ARID5B: variants seen among roughly 807,000 people sequenced by gnomAD.
ARID5B encodes the protein AT-rich interactive domain-containing protein 5B.
Under a neutral mutation model 97.2 loss-of-function variants are expected in ARID5B, and 13 were observed. The ratio of observed to expected loss-of-function variants is 0.13; its 90% CI spans 0.09 to 0.21. ARID5B has a LOEUF of 0.21. Ranked by LOEUF, ARID5B falls within the 10% of genes least tolerant of loss-of-function variation. The pLI is 1.00. For missense variants in ARID5B, 1,210 were observed against 1,465.3 expected, an observed-to-expected ratio of 0.83 and a Z score of 2.84; for synonymous variants, 556 against 570.3, an observed-to-expected ratio of 0.97 and a Z score of 0.36.
At chr10:61,921,844 CTATT>C (rs1353173897) in intron 2 of ARID5B, among the ~76,000 whole-genome samples, 3 of 151,854 alleles carry the variant, frequency 2.0e-5, no homozygotes, top group African/African-American at 7.3e-5. Context: ...AGTTGTTTAT[CTATT>C]TATTTATTTT....
chr10:61,935,864 T>G (rs1484865842), intron 2 of ARID5B, among the ~76,000 whole-genome samples: 1 of 152,238 alleles, frequency 6.6e-6, no homozygotes, highest in Non-Finnish European at 1.5e-5. Context: ...TGTAAATCTC[T>G]TTACTGTCTA....
At chr10:62,080,881 G>A (rs1840203973) in intron 8 of ARID5B, among the ~76,000 whole-genome samples, 1 of 151,932 alleles carries the variant, frequency 6.6e-6, no homozygotes, top group Admixed American at 6.6e-5. Context: ...GGAGTGCAGT[G>A]GCATGATCTC....
At chr10:61,937,689 T>C (rs1844329316) in intron 2 of ARID5B, among the ~76,000 whole-genome samples, 1 of 152,234 alleles carries the variant, frequency 6.6e-6, no homozygotes, top group South Asian at 2.1e-4. Flanking sequence ...AATCATGAGA[T>C]GAGCTTATTG....
chr10:61,906,078 G>C (rs1379429902), intron 2 of ARID5B, among the ~76,000 whole-genome samples: 2 of 152,202 alleles, frequency 1.3e-5, no homozygotes, highest in Non-Finnish European at 2.9e-5. Flanking sequence ...TGGGAACAAA[G>C]TAGGGATGAC....
At position 61,957,022 on chromosome 10, in the gene ARID5B, C is replaced by G. The variant is rs984520291; in HGVS notation, c.502+16614C>G. 1.2e-4 allele frequency among the ~76,000 whole-genome samples: 18 copies of G among 152,264 alleles called. 1 individual carries two copies. The highest frequency in any genetic ancestry group is 4.1e-4 in the African/African-American group (17 of 41,550). ...CCAGGCTCAAGTGATCCTCCCACCT[C>G]AGCCTTTTAAATTGTTTTTCTGAAA... On this transcript the variant is annotated intron_variant, in intron 3 of 9. Coordinates refer to ENST00000279873, the MANE Select transcript of ARID5B (RefSeq NM_032199.3).
chr10:62,057,374 T>C (rs1839870651), intron 6 of ARID5B, 56 bp downstream of exon 6: 1 of 1,520,642 alleles, frequency 6.6e-7, no homozygotes, highest in Non-Finnish European at 9.0e-7. Context: ...TTCTTTGAAT[T>C]GGAAAAAATA....
At chr10:62,041,339 C>T (rs149233395) in intron 4 of ARID5B, among the ~76,000 whole-genome samples, 16 of 152,266 alleles carry the variant, frequency 1.1e-4, no homozygotes, top group African/African-American at 3.6e-4. Flanking sequence ...TGCTGGTGCC[C>T]TCATAGGGAG....
At chr10:62,049,330 T>C (rs1839753817) in intron 4 of ARID5B, 1 of 1,514,722 alleles carries the variant, frequency 6.6e-7, no homozygotes, top group South Asian at 1.3e-5. Context: ...AGGGGAGTTG[T>C]AAGCAGAGCG....
rs555634516 is a variant in ARID5B, at chr10:61,940,106, G to A, written c.277-77G>A. 8.3e-6 allele frequency: 11 copies of A among 1,333,028 alleles called. No homozygotes were observed. In the African/African-American group the frequency reaches 1.3e-4, roughly 16 times the overall value. 82.6% of individuals were successfully genotyped at this position (1,333,028 alleles called of 1,614,324 possible). A position where few individuals can be genotyped will look rare whatever the true frequency, so the allele number is the denominator to read the frequency against. ...AAACCACTCACATGGCATTTCAGAT[G>A]GGCCTTGTGGAGAGTGGATCATTTC... is the stretch of plus-strand genomic sequence containing the variant. On this transcript the variant is annotated intron_variant, in intron 2 of 9. Coordinates refer to ENST00000279873, the MANE Select transcript of ARID5B (RefSeq NM_032199.3).
intron 5 of ARID5B, 64 bp from the exon 6 acceptor site, chr10:62,057,053 C>G: frequency 6.6e-7 from 1 of 1,513,254 alleles, no homozygotes; most frequent in Non-Finnish European, 9.1e-7. Context: ...CTGTCACTAG[C>G]TATGTCTTGG....
At chr10:61,995,545 T>A (rs899413952) in intron 3 of ARID5B, among the ~76,000 whole-genome samples, 2 of 152,144 alleles carry the variant, frequency 1.3e-5, no homozygotes, top group African/African-American at 4.8e-5. Flanking sequence ...AGTTTTAGGA[T>A]CACAGAATTT....
At chr10:62,044,138 C>A (rs963521205) in intron 4 of ARID5B, among the ~76,000 whole-genome samples, 2 of 151,746 alleles carry the variant, frequency 1.3e-5, no homozygotes, top group African/African-American at 4.8e-5. Context: ...ATTGGAAATG[C>A]TAAATTGTAG....
At chr10:62,060,809 C>T (rs750194906) in intron 7 of ARID5B, among the ~76,000 whole-genome samples, 2 of 152,102 alleles carry the variant, frequency 1.3e-5, no homozygotes, top group Non-Finnish European at 2.9e-5. Context: ...TATTATGAAA[C>T]GTCTTTTCAC....
chr10:61,940,543 A>G (rs1844382287), intron 3 of ARID5B, 135 bp downstream of exon 3: 3 of 779,652 alleles, frequency 3.8e-6, no homozygotes, highest in Non-Finnish European at 6.0e-6. Context: ...GGTCCTAAGA[A>G]TATGGATGGA....
intron 7 of ARID5B, among the ~76,000 whole-genome samples, chr10:62,069,425 C>A (rs1840033502): frequency 1.3e-5 from 2 of 152,124 alleles, no homozygotes; most frequent in Non-Finnish European, 2.9e-5. Flanking sequence ...CCTTGACAAA[C>A]CTACATGAAT....
In ARID5B at chr10:62,095,391, G is replaced by A. The variant is rs1028768817; in HGVS notation, c.*2361G>A. 4.3e-6 allele frequency: 1 copy of A among 233,414 alleles called. No homozygotes were observed. The highest frequency in any genetic ancestry group is 8.5e-6 in the Non-Finnish European group (1 of 117,992). The allele number at this position is 233,414 out of a possible 1,614,324, so 14.5% of individuals were successfully genotyped here. On this transcript the variant is annotated 3_prime_UTR_variant, in exon 10 of 10. Transcript: ENST00000279873. ...TGTCTCAAAAAAAAAAGGAGGGGGGGCATCTGTCCCCGGTGGAGCTCACCT... is the reference window on the plus strand; with the variant it reads ...TGTCTCAAAAAAAAAAGGAGGGGGGACATCTGTCCCCGGTGGAGCTCACCT...
chr10:61,908,867 C>T (rs1468815775), intron 2 of ARID5B, among the ~76,000 whole-genome samples: 1 of 151,074 alleles, frequency 6.6e-6, no homozygotes, highest in Non-Finnish European at 1.5e-5. Flanking sequence ...CCCAAACTGC[C>T]TTTGTAGACA....
At chr10:61,923,518 A>T (rs1308097472) in intron 2 of ARID5B, among the ~76,000 whole-genome samples, 2 of 152,136 alleles carry the variant, frequency 1.3e-5, no homozygotes, top group African/African-American at 4.8e-5. Context: ...TTCAATAAAT[A>T]TTTGTTGAAC....
chr10:62,010,478 A>C (rs1394716009), intron 4 of ARID5B, among the ~76,000 whole-genome samples: 2 of 152,190 alleles, frequency 1.3e-5, no homozygotes, highest in African/African-American at 2.4e-5. Context: ...GCTAGATCCG[A>C]GAGGGCTTCA....
Sources: allele counts gnomAD v4.1 joint callset (sites outside exome capture counted in the v4.1 genomes callset), GRCh38; gene constraint gnomAD v4.1.1; transcripts MANE v1.5; gene names NCBI Gene and HGNC (gene_info 2026-07-23, HGNC 2026-07-21).